The following GLIS3 variants were observed in gnomAD, a reference collection of about 807,000 sequenced individuals.
The protein encoded by GLIS3 is GLIS family zinc finger 3, also known as zinc finger protein GLIS3.
In GLIS3, 53 loss-of-function variants were observed where a neutral mutation model predicts 78.6. The ratio of observed to expected loss-of-function variants is 0.67; its 90% CI spans 0.54 to 0.85. The LOEUF (loss-of-function observed/expected upper bound fraction) is 0.85. Ranked by LOEUF, GLIS3 falls within the 40% of genes least tolerant of loss-of-function variation. The probability of loss-of-function intolerance (pLI) is 0.00; values close to 1 mark genes in which losing one functional copy is unlikely to be tolerated. For synonymous variants in GLIS3, 684 were observed against 509.9 expected (o/e 1.34, Z -4.60); for missense variants, 1,703 against 1,231.1 (o/e 1.38, Z -5.74).
chr9:4,387,598 G>A, the GLIS3 span, among the ~76,000 whole-genome samples: 1 of 152,112 alleles, frequency 6.6e-6, no homozygotes, highest in Non-Finnish European at 1.5e-5. Context: ...CCAAGAGTTT[G>A]GAATATGCTC....
chr9:4,192,018 T>G (rs1271156389), intron 2 of GLIS3, among the ~76,000 whole-genome samples: 1 of 152,134 alleles, frequency 6.6e-6, no homozygotes, highest in East Asian at 1.9e-4. Flanking sequence ...TTACATTTGA[T>G]TCTCAAAAAA....
chr9:4,163,271 C>CGT (rs1353634386), intron 2 of GLIS3, among the ~76,000 whole-genome samples: 36 of 151,816 alleles, frequency 2.4e-4, no homozygotes, highest in Admixed American at 1.6e-3. Flanking sequence ...CACACACACG[C>CGT]GCACGCGCGC....
At chr9:4,247,649 C>G (rs1348711306) in intron 2 of GLIS3, among the ~76,000 whole-genome samples, 1 of 151,812 alleles carries the variant, frequency 6.6e-6, no homozygotes, top group Non-Finnish European at 1.5e-5. Context: ...ACAGACAATT[C>G]AGTAAGATAA....
At chr9:4,148,877 A>G (rs915638374) in intron 2 of GLIS3, among the ~76,000 whole-genome samples, 1 of 152,058 alleles carries the variant, frequency 6.6e-6, no homozygotes, top group Non-Finnish European at 1.5e-5. Flanking sequence ...TTCCTAACCC[A>G]TTCTCCTCTC....
At chr9:4,025,490 C>T (rs956326666) in intron 4 of GLIS3, among the ~76,000 whole-genome samples, 10 of 151,988 alleles carry the variant, frequency 6.6e-5, no homozygotes, top group East Asian at 5.8e-4. Flanking sequence ...CTGGTGCAAG[C>T]GATTCTCCTG....
chr9:4,412,949 C>T, the GLIS3 span, among the ~76,000 whole-genome samples: 62,753 of 152,004 alleles, frequency 0.41, 13,561 homozygotes, highest in East Asian at 0.59. Context: ...AGGGTGACCA[C>T]GTGGAGCACA....
At chr9:3,990,298 G>A (rs192039870) in intron 4 of GLIS3, among the ~76,000 whole-genome samples, 377 of 152,256 alleles carry the variant, frequency 2.5e-3, no homozygotes, top group Non-Finnish European at 3.3e-3. Flanking sequence ...GAATCATTCC[G>A]GAGGAAGGGA....
At chr9:4,410,136 A>AT in the GLIS3 span, among the ~76,000 whole-genome samples, 4,806 of 136,294 alleles carry the variant, frequency 0.035, 211 homozygotes, top group African/African-American at 0.1. Flanking sequence ...ATGCCCGGCT[A>AT]TTTTTTTTTT....
the GLIS3 span, among the ~76,000 whole-genome samples, chr9:4,404,848 G>T: frequency 4.0e-5 from 6 of 151,802 alleles, no homozygotes; most frequent in African/African-American, 1.5e-4. Flanking sequence ...ATTAGTAGAA[G>T]AAAAGAAATA....
chr9:4,466,018 G>A, the GLIS3 span, among the ~76,000 whole-genome samples: 1 of 152,110 alleles, frequency 6.6e-6, no homozygotes, highest in Non-Finnish European at 1.5e-5. Flanking sequence ...TCCAAGAGCT[G>A]GTTCTTTGAT....
intron 4 of GLIS3, among the ~76,000 whole-genome samples, chr9:3,937,973 A>G (rs748968565): frequency 2.0e-5 from 3 of 152,228 alleles, no homozygotes; most frequent in Non-Finnish European, 4.4e-5. Context: ...TGGTTTGTCA[A>G]TAATATTTAT....
At position 4,062,685 on chromosome 9, in the gene GLIS3, C is replaced by G. The variant is rs561090236; in HGVS notation, c.1710+55083G>C. On this transcript the variant is annotated intron_variant, in intron 4 of 10. Coordinates refer to ENST00000381971, the MANE Select transcript of GLIS3 (RefSeq NM_001042413.2). The stretch of plus-strand genomic sequence containing the variant: ...GCTCACGCCTGTAATCCCAGCACTT[C>G]GGGAGGCCGAGGCGGGCGGATCACA... 2.6e-5 allele frequency among the ~76,000 whole-genome samples: 4 copies of G among 152,216 alleles called. No homozygotes were observed. In the South Asian group the frequency reaches 6.2e-4, roughly 24 times the overall value.
At chr9:4,342,538 G>C (rs1482558535) in intron 2 of GLIS3, among the ~76,000 whole-genome samples, 1 of 152,112 alleles carries the variant, frequency 6.6e-6, no homozygotes, top group Non-Finnish European at 1.5e-5. Flanking sequence ...CCAGTGCTTA[G>C]AATTCTAACT....
At chr9:4,295,887 G>C (rs1182726649) in intron 1 of GLIS3, among the ~76,000 whole-genome samples, 1 of 152,106 alleles carries the variant, frequency 6.6e-6, no homozygotes, top group Non-Finnish European at 1.5e-5. Flanking sequence ...CATTTCAAAG[G>C]TTTTGTTATG....
intron 2 of GLIS3, among the ~76,000 whole-genome samples, chr9:4,172,420 A>G (rs1251458064): frequency 6.6e-6 from 1 of 152,184 alleles, no homozygotes; most frequent in African/African-American, 2.4e-5. Flanking sequence ...TGTTTTGTAC[A>G]GTACATTAAT....
At chr9:3,980,868 C>A (rs1007727688) in intron 4 of GLIS3, among the ~76,000 whole-genome samples, 1 of 152,112 alleles carries the variant, frequency 6.6e-6, no homozygotes, top group African/African-American at 2.4e-5. Context: ...CAGCTGCCAG[C>A]AAGTCAGATA....
intron 4 of GLIS3, among the ~76,000 whole-genome samples, chr9:4,005,149 A>C (rs562717582): frequency 6.6e-6 from 1 of 152,308 alleles, no homozygotes; most frequent in East Asian, 1.9e-4. Context: ...GAGGCACCCA[A>C]AATGTCTTGA....
chr9:4,038,737 T>G (rs1239757285), intron 4 of GLIS3, among the ~76,000 whole-genome samples: 1 of 152,208 alleles, frequency 6.6e-6, no homozygotes, highest in Non-Finnish European at 1.5e-5. Context: ...CTTTTTTTCA[T>G]TGTTTTCTTC....
the GLIS3 span, among the ~76,000 whole-genome samples, chr9:4,402,622 G>C: frequency 2.6e-5 from 4 of 152,096 alleles, no homozygotes; most frequent in African/African-American, 7.2e-5. Flanking sequence ...TTAACAAAAA[G>C]ATTGAAACAA....
Sources: allele counts gnomAD v4.1 joint callset (sites outside exome capture counted in the v4.1 genomes callset), GRCh38; gene constraint gnomAD v4.1.1; transcripts MANE v1.5; gene names NCBI Gene and HGNC (gene_info 2026-07-23, HGNC 2026-07-21).